The following COL4A6 variants were observed in gnomAD, a reference collection of about 807,000 sequenced individuals.
The protein encoded by COL4A6 is collagen type IV alpha 6 chain.
Under a neutral mutation model 126.7 loss-of-function variants are expected in COL4A6, and 59 were observed. The observed-to-expected ratio is 0.47, with a 90% CI of 0.38 to 0.58. COL4A6 has a LOEUF of 0.58. COL4A6 is among the 20% of genes least tolerant of loss of function. COL4A6 has a pLI of 0.00. For synonymous variants in COL4A6, 547 were observed against 496.6 expected (o/e 1.10, Z -1.35); for missense variants, 1,285 against 1,337.3 (o/e 0.96, Z 0.61).
In COL4A6 at chrX:108,179,438, C is replaced by T. The variant is rs1457740015; in HGVS notation, c.2132G>A (p.Gly711Glu). The T allele has an allele frequency of 8.4e-7, 1 of 1,194,075 alleles. No homozygotes were observed. Among genetic ancestry groups the T allele is most frequent in the East Asian group, 3.0e-5 (1 of 33,579 alleles). ...PGLVHLPELP[G>E]FPGPRGEKGL... ...CTTCTCCCCACGAGGTCCAGGAAAT[C>T]CTAAACGTAAAAAGGCGAACATAAA... The change falls in exon 26 of 45, where the codon GGA becomes GAA. Residue 711 changes from glycine to glutamate, a missense_variant and splice_region_variant. By Grantham distance (98) the Gly-to-Glu change is moderately conservative. Transcript: ENST00000334504.
chrX:108,183,610 G>T, intron 23 of COL4A6: 2 of 449,522 alleles, frequency 4.4e-6, no homozygotes, highest in Non-Finnish European at 6.4e-6. Context: ...CCCAAACAGG[G>T]CATCCAGTGT....
intron 35 of COL4A6, among the ~76,000 whole-genome samples, chrX:108,170,381 C>A (rs990160186): frequency 8.0e-5 from 9 of 112,281 alleles, no homozygotes; most frequent in African/African-American, 2.6e-4. Context: ...CATGCCAGGG[C>A]AATTGCCTTC....
At chrX:108,277,743 A>T (rs1045699752) in intron 3 of COL4A6, among the ~76,000 whole-genome samples, 1 of 111,578 alleles carries the variant, frequency 9.0e-6, no homozygotes, top group Non-Finnish European at 1.9e-5. Flanking sequence ...GGCACCCCCC[A>T]GCAGGGGCAG....
chrX:108,439,257 A>G, upstream of COL4A6: 2 of 345,050 alleles, frequency 5.8e-6, no homozygotes, highest in Non-Finnish European at 5.0e-6. Flanking sequence ...TTATAATAAC[A>G]TAATACCATA....
At chrX:108,416,951 T>G (rs1213813591) in intron 2 of COL4A6, among the ~76,000 whole-genome samples, 1 of 111,986 alleles carries the variant, frequency 8.9e-6, no homozygotes, top group Non-Finnish European at 1.9e-5. Context: ...GACTTATACC[T>G]TGATGAATTA....
chrX:108,408,545 G>T (rs1424863998), intron 2 of COL4A6, among the ~76,000 whole-genome samples: 1 of 111,681 alleles, frequency 9.0e-6, no homozygotes, highest in Non-Finnish European at 1.9e-5. Flanking sequence ...AAAAAATGCA[G>T]GATCAAGTTG....
At chrX:108,178,555 G>A in intron 27 of COL4A6, 129 bp downstream of exon 27, 1 of 653,204 alleles carries the variant, frequency 1.5e-6, no homozygotes, top group Non-Finnish European at 2.3e-6. Context: ...AAACTTGAGA[G>A]CTTAGGAAAG....
intron 2 of COL4A6, among the ~76,000 whole-genome samples, chrX:108,413,101 TTGC>T (rs2041362949): frequency 8.9e-6 from 1 of 112,107 alleles, no homozygotes; most frequent in Non-Finnish European, 1.9e-5. Context: ...CACAGCAGGA[TTGC>T]TACACTAGTT....
intron 25 of COL4A6, 150 bp downstream of exon 25, chrX:108,180,365 T>G (rs903697350): frequency 2.1e-6 from 1 of 471,817 alleles, no homozygotes. Flanking sequence ...CTTGCCAGGG[T>G]ATAAAATTAA....
At chrX:108,406,382 C>T (rs1461313055) in intron 2 of COL4A6, among the ~76,000 whole-genome samples, 1 of 112,393 alleles carries the variant, frequency 8.9e-6, no homozygotes, top group Admixed American at 9.5e-5. Flanking sequence ...AACATTTCTA[C>T]TAACCTTCCG....
chrX:108,183,575 C>A (rs1178614375), intron 23 of COL4A6: 2 of 309,878 alleles, frequency 6.5e-6, no homozygotes, highest in Non-Finnish European at 1.1e-5. Flanking sequence ...TCAGCCTTTG[C>A]ATCCCAGCCT....
At chrX:108,317,926 C>T (rs1328248449) in intron 2 of COL4A6, among the ~76,000 whole-genome samples, 1 of 111,052 alleles carries the variant, frequency 9.0e-6, no homozygotes, top group Non-Finnish European at 1.9e-5. Context: ...TTTTTGGTTC[C>T]ATATGAACTT....
upstream of COL4A6, chrX:108,439,304 T>G (rs1272360075): frequency 8.7e-6 from 5 of 575,765 alleles, no homozygotes; most frequent in Non-Finnish European, 1.3e-5. Flanking sequence ...CTCCCAGATC[T>G]TATACGTATA....
chrX:108,263,870 C>A (rs1027151105), intron 3 of COL4A6, among the ~76,000 whole-genome samples: 2 of 111,478 alleles, frequency 1.8e-5, no homozygotes, highest in African/African-American at 6.5e-5. Flanking sequence ...TGTTTGCTGA[C>A]CCTCCGTGTT....
intron 2 of COL4A6, among the ~76,000 whole-genome samples, chrX:108,359,624 C>T (rs938820200): frequency 8.0e-5 from 9 of 112,131 alleles, no homozygotes; most frequent in African/African-American, 2.9e-4. Context: ...TTATTAAGTG[C>T]CTACTAGGTG....
At position 108,174,482 on chromosome X, in the gene COL4A6, C is replaced by T. The variant is rs761802073; in HGVS notation, c.3096G>A (p.Gly1032=). 1.7e-6 allele frequency: 2 copies of T among 1,211,375 alleles called. No homozygotes were observed. Among genetic ancestry groups the T allele is most frequent in the South Asian group, 1.8e-5 (1 of 56,929 alleles). Residue 1032 remains glycine (G), a synonymous_variant, in exon 31 of 45, where the codon GGG becomes GGA. Coordinates refer to ENST00000334504, the MANE Select transcript of COL4A6 (RefSeq NM_033641.4). ...CTGGGAAACCTGTGATCCCAGAGGACCCCTTCAGGCCAGGTAAGCCCCGGA... is the reference window on the plus strand; with the variant it reads ...CTGGGAAACCTGTGATCCCAGAGGATCCCTTCAGGCCAGGTAAGCCCCGGA... The part of the protein sequence containing the change: ...MGIRGLPGLK[G]SSGITGFPGM...
chrX:108,221,725 G>A (rs759762406), intron 3 of COL4A6, among the ~76,000 whole-genome samples: 1 of 112,629 alleles, frequency 8.9e-6, no homozygotes, highest in African/African-American at 3.2e-5. Context: ...AGAACAGAGC[G>A]CTGGAGAGCA....
intron 15 of COL4A6, 77 bp from the exon 16 acceptor site, chrX:108,194,664 G>C: frequency 1.0e-6 from 1 of 966,519 alleles, no homozygotes; most frequent in Non-Finnish European, 1.5e-6. Context: ...TTAAGCCAGG[G>C]CAAATGGCAC....
At chrX:108,169,300 C>A (rs1351394029) in intron 37 of COL4A6, among the ~76,000 whole-genome samples, 195 bp downstream of exon 37, 5 of 112,161 alleles carry the variant, frequency 4.5e-5, no homozygotes, top group Non-Finnish European at 7.5e-5. Flanking sequence ...TGTGCCCTGA[C>A]AGTCTTCACT....
Sources: gnomAD v4.1 joint callset for allele counts (sites outside exome capture counted in the v4.1 genomes callset) on GRCh38, gnomAD v4.1.1 for gene constraint, MANE v1.5 for transcripts, NCBI Gene and HGNC (gene_info 2026-07-23, HGNC 2026-07-21) for gene names.